CCNYL1: variants seen among roughly 807,000 people sequenced by gnomAD.
The protein encoded by CCNYL1 is cyclin Y like 1, also known as cyclin-Y-like protein 1.
Under a neutral mutation model 44.2 loss-of-function variants are expected in CCNYL1, and 16 were observed. The ratio of observed to expected loss-of-function variants is 0.36; its 90% CI spans 0.25 to 0.55. CCNYL1 has a LOEUF of 0.55. CCNYL1 is among the 20% of genes least tolerant of loss of function. The pLI is 0.85. For synonymous variants in CCNYL1, 159 were observed against 163.2 expected, an observed-to-expected ratio of 0.97 and a Z score of 0.20; for missense variants, 348 against 451.8, an observed-to-expected ratio of 0.77 and a Z score of 2.08.
At chr2:207,747,713 C>T (rs1358428700) in intron 8 of CCNYL1, among the ~76,000 whole-genome samples, 1 of 152,112 alleles carries the variant, frequency 6.6e-6, no homozygotes, top group African/African-American at 2.4e-5. Flanking sequence ...GCATGCGCCA[C>T]CATGCCTGGC....
intron 8 of CCNYL1, 143 bp downstream of exon 8, chr2:207,747,356 G>C (rs1004882009): frequency 3.5e-6 from 2 of 563,734 alleles, no homozygotes; most frequent in Non-Finnish European, 5.8e-6. Context: ...TCTATCTTTA[G>C]TATAACAGTT....
Position 207,724,855 on chromosome 2 carries a change from G to A in CCNYL1, c.276G>A (p.Leu92=). 1.2e-6 allele frequency: 2 copies of A among 1,612,604 alleles called. No individual in the cohort carries two copies. The highest frequency in any genetic ancestry group is 1.3e-5 in the African/African-American group (1 of 74,938). The change falls in exon 2 of 10, where the codon CTG becomes CTA. Residue 92 remains leucine (L), a synonymous_variant. Transcript: ENST00000295414. The part of the protein sequence containing the change: ...SDHPRASTIF[L]SKSQTDVREK... ...ATCCAAGGGCAAGCACAATTTTCCTGAGCAAATCTCAAACGGATGGTAAGA... is the reference window on the plus strand; with the variant it reads ...ATCCAAGGGCAAGCACAATTTTCCTAAGCAAATCTCAAACGGATGGTAAGA...
chr2:207,718,391 C>T (rs1375887616), intron 1 of CCNYL1, among the ~76,000 whole-genome samples: 1 of 151,856 alleles, frequency 6.6e-6, no homozygotes, highest in Non-Finnish European at 1.5e-5. Context: ...ACCCATAGTC[C>T]CAGCTACTCA....
At chr2:207,724,273 C>G (rs2091663377) in intron 1 of CCNYL1, among the ~76,000 whole-genome samples, 1 of 152,120 alleles carries the variant, frequency 6.6e-6, no homozygotes, top group African/African-American at 2.4e-5. Context: ...AATGGCCCCC[C>G]AAAAAACCAC....
Position 207,754,191 on chromosome 2 carries a change from AG to A in CCNYL1, c.*495del, listed in dbSNP as rs1174090742. 6.8e-6 allele frequency: 1 copy of A among 146,686 alleles called. No homozygotes were observed. The highest frequency in any genetic ancestry group is 2.6e-5 in the African/African-American group (1 of 38,566). The allele number at this position is 146,686 out of a possible 1,614,324, so 9.1% of individuals were successfully genotyped here. ...CTTAGGAGCAGACAGCAGCGTTGTT[AG>A]GTACTGAAGGGTTCTTCCTCCCTAC... On this transcript the variant is annotated 3_prime_UTR_variant, in exon 10 of 10. Coordinates refer to ENST00000295414, the MANE Select transcript of CCNYL1 (RefSeq NM_001330218.2).
chr2:207,740,983 C>T (rs1000179612), intron 6 of CCNYL1, among the ~76,000 whole-genome samples: 6 of 152,226 alleles, frequency 3.9e-5, no homozygotes, highest in Non-Finnish European at 2.9e-5. Context: ...AGGCCGGGCA[C>T]GGTGGCTCAT....
intron 1 of CCNYL1, among the ~76,000 whole-genome samples, chr2:207,715,379 CTTTTTTTTT>C (rs770646092): frequency 3.0e-5 from 3 of 100,754 alleles, no homozygotes; most frequent in South Asian, 7.2e-4. Flanking sequence ...CAAGCTATTT[CTTTTTTTTT>C]TTTTTTTTTT....
At chr2:207,750,833 T>A (rs1439582138) in intron 8 of CCNYL1, 124 bp from the exon 9 acceptor site, 8 of 767,628 alleles carry the variant, frequency 1.0e-5, no homozygotes. Context: ...TTAATACAAC[T>A]GGGTAGCCTA....
At chr2:207,727,625 C>G (rs1476237274) in intron 3 of CCNYL1, among the ~76,000 whole-genome samples, 2 of 152,136 alleles carry the variant, frequency 1.3e-5, no homozygotes, top group Non-Finnish European at 2.9e-5. Flanking sequence ...TTGCCACATG[C>G]CTATCAAAAA....
Position 207,751,089 on chromosome 2 carries a change from T to C in CCNYL1, c.939T>C (p.Pro313=). The change falls in exon 9 of 10, where the codon CCT becomes CCC. Residue 313 remains proline (P), a synonymous_variant. Transcript: ENST00000295414. ...DDNNLNFLFA[P]LSKERAQNLE... ...ACAACCTGAATTTTCTATTTGCTCC[T>C]CTTAGCAAAGAAAGAGCACAGAACC... The C allele has an allele frequency of 1.2e-6, 2 of 1,614,108 alleles. No individual in the cohort carries two copies. Among genetic ancestry groups the C allele is most frequent in the East Asian group, 4.5e-5 (2 of 44,868 alleles).
At chr2:207,742,012 G>A (rs572986262) in intron 6 of CCNYL1, among the ~76,000 whole-genome samples, 3 of 149,146 alleles carry the variant, frequency 2.0e-5, no homozygotes, top group Admixed American at 6.7e-5. Flanking sequence ...CTAGCTGGGC[G>A]TGGTGGCGGG....
At chr2:207,748,925 G>A (rs992369839) in intron 8 of CCNYL1, among the ~76,000 whole-genome samples, 1 of 152,216 alleles carries the variant, frequency 6.6e-6, no homozygotes, top group African/African-American at 2.4e-5. Context: ...AAGTGACTTT[G>A]ATCACTGCTG....
In CCNYL1 at chr2:207,744,295, G is replaced by C. The variant is rs10172705; in HGVS notation, c.639+1953G>C. Among the ~76,000 whole-genome samples the C allele has an allele frequency of 4.5e-3, 691 of 152,150 alleles. 4 individuals carry two copies. Among genetic ancestry groups the C allele is most frequent in the African/African-American group, 0.015 (639 of 41,512 alleles). ...TGTCCCGTGTGGTTGGAGTGAGTTG[G>C]AAAGAGTGGAGGAGGTTGAGGTCAC... On this transcript the variant is annotated intron_variant, in intron 7 of 9. Transcript: ENST00000295414.
Position 207,712,071 on chromosome 2 carries a change from G to A in CCNYL1, c.175G>A (p.Glu59Lys), listed in dbSNP as rs750651743. ...EPAELDFGEG[E>K]GHHLQHISDR... ...TGCCGAGTTGGATTTCGGAGAGGGC[G>A]AGGGCCACCACCTGCAGCACATCAG... Residue 59 changes from glutamate (E) to lysine (K), a missense_variant, in exon 1 of 10, where the codon GAG (glutamate) becomes AAG (lysine). By Grantham distance (56) the Glu-to-Lys change is moderately conservative. This residue lies in a region of CCNYL1 where 209 missense variants were observed against 247.7 expected (regional missense o/e 0.84). Transcript: ENST00000295414. The A allele has an allele frequency of 3.8e-6, 6 of 1,580,458 alleles. No individual in the cohort carries two copies. The African/African-American group carries it at 4.2e-5, about 11-fold the overall frequency.
At chr2:207,722,843 C>T (rs2091651200) in intron 1 of CCNYL1, among the ~76,000 whole-genome samples, 1 of 152,002 alleles carries the variant, frequency 6.6e-6, no homozygotes, top group Non-Finnish European at 1.5e-5. Flanking sequence ...CCTGTAGTCC[C>T]AGCTAGTTGG....
chr2:207,730,485 C>T (rs1009967582), intron 3 of CCNYL1, among the ~76,000 whole-genome samples: 6 of 152,222 alleles, frequency 3.9e-5, no homozygotes, highest in Non-Finnish European at 5.9e-5. Context: ...TGGCCGGGTG[C>T]GGTGGCTCAC....
chr2:207,747,010 C>T, intron 7 of CCNYL1, 37 bp from the exon 8 acceptor site: 1 of 1,365,668 alleles, frequency 7.3e-7, no homozygotes, highest in Non-Finnish European at 1.0e-6. Context: ...AGCATTTAAA[C>T]TGAACTAAAA....
chr2:207,740,677 A>G lies in CCNYL1; in HGVS notation c.490A>G (p.Ile164Val), dbSNP rs1466579887. 6.2e-7 allele frequency: 1 copy of G among 1,602,008 alleles called. No homozygotes were observed. Among genetic ancestry groups the G allele is most frequent in the Non-Finnish European group, 8.5e-7 (1 of 1,169,766 alleles). The change falls in exon 6 of 10, where the codon ATT becomes GTT. Residue 164 changes from isoleucine to valine, a missense_variant. This residue lies in a region of CCNYL1 where 209 missense variants were observed against 247.7 expected (regional missense o/e 0.84). Transcript: ENST00000295414. ...KNRDANRSLD[I>V]FDERSHPLTR... ...TAGAGATGCAAATAGATCCCTGGAT[A>G]TTTTTGATGAGAGATCACATCCACT... is the stretch of plus-strand genomic sequence containing the variant.
chr2:207,739,705 A>T (rs1326048801), intron 5 of CCNYL1, among the ~76,000 whole-genome samples: 1 of 152,250 alleles, frequency 6.6e-6, no homozygotes, highest in Non-Finnish European at 1.5e-5. Flanking sequence ...GAATAGTGAA[A>T]AGAAAGGTCA....
Sources: gnomAD v4.1 joint callset for allele counts (sites outside exome capture counted in the v4.1 genomes callset) on GRCh38, gnomAD v4.1.1 for gene constraint, gnomAD v4.1.1 regional missense constraint, MANE v1.5 for transcripts, NCBI Gene and HGNC (gene_info 2026-07-23, HGNC 2026-07-21) for gene names.